Variants in PRUNE2 observed in about 807,000 individuals in gnomAD.
The protein encoded by PRUNE2 is protein prune homolog 2.
PRUNE2 carries 164 observed loss-of-function variants against 252.0 expected under a neutral mutation model. The ratio of observed to expected loss-of-function variants is 0.65; its 90% CI spans 0.57 to 0.74. PRUNE2 has a LOEUF of 0.74. Among genes scored for constraint, PRUNE2 ranks in the 30% least tolerant of loss-of-function variants. The pLI is 0.00. For synonymous variants in PRUNE2, 1,292 were observed against 1,350.2 expected, an observed-to-expected ratio of 0.96 and a Z score of 0.94; for missense variants, 3,495 against 3,711.0, an observed-to-expected ratio of 0.94 and a Z score of 1.51.
intron 12 of PRUNE2, among the ~76,000 whole-genome samples, chr9:76,643,833 G>T (rs539197299): frequency 6.6e-6 from 1 of 152,228 alleles, no homozygotes; most frequent in East Asian, 1.9e-4. Flanking sequence ...CCTTCTGCTT[G>T]TTATAATAGA....
chr9:76,732,215 G>A (rs374161689), intron 6 of PRUNE2, among the ~76,000 whole-genome samples: 29 of 152,188 alleles, frequency 1.9e-4, no homozygotes, highest in African/African-American at 7.0e-4. Context: ...TGGGGGCTGA[G>A]GCAGGAGAAT....
Position 76,652,658 on chromosome 9 carries a change from A to T in PRUNE2, c.8382T>A (p.Asn2794Lys), listed in dbSNP as rs765907346. ...GCTTGATTCTCCGAGGATGAGTGTC[A>T]TTAAGATCCAGAGAATTAGGAGGTT... ...RPEPPNSLDL[N>K]DTHPRRIKLT... The change falls in exon 11 of 19, where the codon AAT becomes AAA. Residue 2794 changes from asparagine to lysine, a missense_variant. Coordinates refer to ENST00000376718, the MANE Select transcript of PRUNE2 (RefSeq NM_015225.3). 8 of 1,612,088 alleles carry T rather than the reference A, an allele frequency of 5.0e-6. No individual in the cohort carries two copies. The highest frequency in any genetic ancestry group is 6.8e-6 in the Non-Finnish European group (8 of 1,178,422).
rs148169076 is a variant in PRUNE2, at chr9:76,791,952, G to A, written c.756+31680C>T. On this transcript the variant is annotated intron_variant, in intron 6 of 18. Transcript: ENST00000376718. Reference sequence around the variant, plus strand: ...GGGCTGGGGAGAAGGAGGGAGGGAAGGGAACACTTCAGACAGATTTGAGCA... The same window carrying A: ...GGGCTGGGGAGAAGGAGGGAGGGAAAGGAACACTTCAGACAGATTTGAGCA... Among the ~76,000 whole-genome samples the A allele has an allele frequency of 3.7e-3, 559 of 152,238 alleles. 1 individual carries two copies. In the Middle Eastern group the frequency reaches 0.037, roughly 10 times the overall value.
intron 2 of PRUNE2, among the ~76,000 whole-genome samples, chr9:76,851,496 C>T (rs1335782845): frequency 1.3e-5 from 2 of 151,160 alleles, no homozygotes; most frequent in Non-Finnish European, 2.9e-5. Context: ...TGCAGTGAGC[C>T]AAGATCGTGC....
chr9:76,801,206 G>A (rs1294779359), intron 6 of PRUNE2, among the ~76,000 whole-genome samples: 1 of 152,096 alleles, frequency 6.6e-6, no homozygotes, highest in Non-Finnish European at 1.5e-5. Context: ...ATTGCATTAG[G>A]ACTGCTTGAA....
chr9:76,843,873 C>T (rs1366793341), intron 4 of PRUNE2, among the ~76,000 whole-genome samples: 4 of 151,736 alleles, frequency 2.6e-5, no homozygotes, highest in Non-Finnish European at 4.4e-5. Context: ...GGATTACAGG[C>T]GTCCGCCACC....
chr9:76,766,572 C>T (rs1008807123), intron 6 of PRUNE2, among the ~76,000 whole-genome samples: 1 of 152,288 alleles, frequency 6.6e-6, no homozygotes, highest in Admixed American at 6.5e-5. Context: ...CTCTCCCATC[C>T]ACTTTTTCTG....
intron 3 of PRUNE2, among the ~76,000 whole-genome samples, chr9:76,849,950 C>T (rs914203824): frequency 7.2e-5 from 11 of 152,090 alleles, no homozygotes; most frequent in African/African-American, 2.4e-4. Context: ...TTAGCATGAC[C>T]CAAATTTTGC....
intron 18 of PRUNE2, among the ~76,000 whole-genome samples, chr9:76,616,961 T>C (rs1830013618): frequency 6.6e-6 from 1 of 151,230 alleles, no homozygotes; most frequent in African/African-American, 2.4e-5. Flanking sequence ...TATTTAAAAA[T>C]AAATAAATAA....
At chr9:76,687,758 CAG>C in intron 9 of PRUNE2, 1 of 207,448 alleles carries the variant, frequency 4.8e-6, no homozygotes, top group South Asian at 6.0e-5. Context: ...ATTCTGCTCT[CAG>C]AGAATTTAAA....
At chr9:76,763,411 T>C (rs2051954415) in intron 6 of PRUNE2, among the ~76,000 whole-genome samples, 2 of 152,284 alleles carry the variant, frequency 1.3e-5, no homozygotes, top group South Asian at 4.1e-4. Flanking sequence ...ATAACAAGCA[T>C]AGGCGTGCTT....
chr9:76,629,459 T>G (rs1478528722), intron 15 of PRUNE2, among the ~76,000 whole-genome samples, 169 bp from the exon 16 acceptor site: 4 of 152,198 alleles, frequency 2.6e-5, no homozygotes, highest in Admixed American at 1.3e-4. Context: ...TGTTTTGTTG[T>G]TGTTGGTGGT....
Position 76,705,561 on chromosome 9 carries a change from GT to G in PRUNE2, c.6712del (p.Thr2238LeufsTer49). 1 of 1,614,030 alleles carries G rather than the reference GT, an allele frequency of 6.2e-7. No homozygotes were observed. Among genetic ancestry groups the G allele is most frequent in the Non-Finnish European group, 8.5e-7 (1 of 1,179,894 alleles). On this transcript the variant is annotated frameshift_variant, in exon 8 of 19. Transcript: ENST00000376718. LOFTEE classifies it high-confidence loss of function. The part of the protein sequence containing the change: ...IENVATSIFV[T>X]HQEPTPEGDG... ...ACCTTCTGGAGTTGGCTCTTGGTGA[GT>G]TACAAAAATGCTAGTTGCCACATTT...
intron 2 of PRUNE2, 21 bp from the exon 3 acceptor site, chr9:76,850,686 T>G (rs765735367): frequency 6.5e-7 from 1 of 1,543,020 alleles, no homozygotes; most frequent in African/African-American, 1.4e-5. Flanking sequence ...AAAAGTTGAC[T>G]GAATTACTGA....
rs1251799207 is a variant in PRUNE2 at position 76,708,056 on chromosome 9, C to A, written c.4218G>T (p.Gly1406=). 5.0e-6 allele frequency: 8 copies of A among 1,613,986 alleles called. No individual in the cohort carries two copies. Residue 1406 remains glycine, a synonymous_variant, in exon 8 of 19, where the codon GGG becomes GGT. Coordinates refer to ENST00000376718, the MANE Select transcript of PRUNE2 (RefSeq NM_015225.3). ...CATCACGGGAGTCTAGATTGTAAGACCCCTCCTCATACTCTAAAACTTCCT... is the reference window on the plus strand; with the variant it reads ...CATCACGGGAGTCTAGATTGTAAGAACCCTCCTCATACTCTAAAACTTCCT... The part of the protein sequence containing the change: ...EPEEVLEYEE[G]SYNLDSRDVQ...
intron 2 of PRUNE2, among the ~76,000 whole-genome samples, chr9:76,851,185 T>C (rs117473007): frequency 6.6e-6 from 1 of 151,984 alleles, no homozygotes; most frequent in African/African-American, 2.4e-5. Flanking sequence ...TGCATCTAAA[T>C]GAGATGCCTG....
intron 11 of PRUNE2, among the ~76,000 whole-genome samples, chr9:76,650,304 T>C (rs911230573): frequency 2.0e-5 from 3 of 150,640 alleles, no homozygotes; most frequent in Non-Finnish European, 4.4e-5. Context: ...ATGAAACATA[T>C]ATAATGAAAA....
intron 11 of PRUNE2, among the ~76,000 whole-genome samples, chr9:76,647,559 A>G (rs1845461209): frequency 6.6e-6 from 1 of 152,224 alleles, no homozygotes; most frequent in African/African-American, 2.4e-5. Flanking sequence ...TATATAAAAG[A>G]CAAAAATCAA....
At chr9:76,632,836 T>C (rs1176213099) in intron 15 of PRUNE2, among the ~76,000 whole-genome samples, 2 of 152,378 alleles carry the variant, frequency 1.3e-5, no homozygotes, top group Admixed American at 6.5e-5. Flanking sequence ...GCTGGAATTA[T>C]AGGCACAAGT....
Sources: allele counts gnomAD v4.1 joint callset (sites outside exome capture counted in the v4.1 genomes callset), GRCh38; gene constraint gnomAD v4.1.1; transcripts MANE v1.5; gene names NCBI Gene and HGNC (gene_info 2026-07-23, HGNC 2026-07-21).